The following ADAMTSL3 variants were observed in gnomAD, a reference collection of about 807,000 sequenced individuals.
The protein encoded by ADAMTSL3 is ADAMTS-like protein 3.
Under a neutral mutation model 201.7 loss-of-function variants are expected in ADAMTSL3, and 128 were observed. That is an observed-to-expected ratio of 0.63 (90% confidence interval 0.55 to 0.73). The LOEUF (loss-of-function observed/expected upper bound fraction) is 0.73, where lower values mean the gene tolerates loss of function less well. Among genes scored for constraint, ADAMTSL3 ranks in the 30% least tolerant of loss-of-function variants. ADAMTSL3 has a pLI of 0.00. For missense variants in ADAMTSL3, 1,990 were observed against 2,119.6 expected, an observed-to-expected ratio of 0.94 and a Z score of 1.20; for synonymous variants, 738 against 748.4, an observed-to-expected ratio of 0.99 and a Z score of 0.23.
At chr15:83,755,149 A>G (rs1037814352) in intron 3 of ADAMTSL3, among the ~76,000 whole-genome samples, 1 of 152,194 alleles carries the variant, frequency 6.6e-6, no homozygotes, top group African/African-American at 2.4e-5. Flanking sequence ...GGATTTCATC[A>G]TCAACTTTTG....
intron 2 of ADAMTSL3, among the ~76,000 whole-genome samples, chr15:83,662,015 C>A (rs1189631924): frequency 6.9e-6 from 1 of 144,570 alleles, no homozygotes; most frequent in Non-Finnish European, 1.5e-5. Context: ...GTCAGTGTGG[C>A]GATTCCTCAG....
chr15:83,836,047 A>G (rs904127257), intron 6 of ADAMTSL3, among the ~76,000 whole-genome samples: 4 of 152,252 alleles, frequency 2.6e-5, no homozygotes, highest in Non-Finnish European at 5.9e-5. Flanking sequence ...TAATGTGTAC[A>G]ATATTCATGG....
chr15:83,715,033 T>C (rs1193240919), intron 3 of ADAMTSL3, among the ~76,000 whole-genome samples: 4 of 149,710 alleles, frequency 2.7e-5, no homozygotes, highest in Non-Finnish European at 5.9e-5. Context: ...TGGGAGGGAG[T>C]GAGGAGGGAA....
chr15:83,840,783 C>T (rs2064357242), intron 7 of ADAMTSL3, among the ~76,000 whole-genome samples: 2 of 152,192 alleles, frequency 1.3e-5, no homozygotes, highest in Non-Finnish European at 1.5e-5. Context: ...ATGTATCCTA[C>T]TGGAAATCAC....
At chr15:83,977,487 T>C (rs2067307456) in intron 20 of ADAMTSL3, among the ~76,000 whole-genome samples, 1 of 151,844 alleles carries the variant, frequency 6.6e-6, no homozygotes, top group South Asian at 2.1e-4. Context: ...TACAAAATCA[T>C]CCAAGGAAAA....
At chr15:83,973,054 C>A (rs1007462558) in intron 20 of ADAMTSL3, among the ~76,000 whole-genome samples, 1 of 152,156 alleles carries the variant, frequency 6.6e-6, no homozygotes, top group Non-Finnish European at 1.5e-5. Flanking sequence ...ACACCACCAC[C>A]AGGACCATGA....
chr15:83,827,818 A>G (rs992720588), intron 6 of ADAMTSL3, among the ~76,000 whole-genome samples: 1 of 152,178 alleles, frequency 6.6e-6, no homozygotes, highest in Non-Finnish European at 1.5e-5. Context: ...GTCAAAGATC[A>G]GATGGTTGTA....
intron 5 of ADAMTSL3, among the ~76,000 whole-genome samples, chr15:83,806,157 C>T (rs2063600145): frequency 1.9e-4 from 3 of 15,448 alleles, no homozygotes; most frequent in African/African-American, 6.7e-4. Flanking sequence ...GACTGCAGCA[C>T]CACAACCCTA....
intron 17 of ADAMTSL3, among the ~76,000 whole-genome samples, chr15:83,928,347 A>G (rs775791615): frequency 1.3e-5 from 2 of 152,116 alleles, no homozygotes; most frequent in Non-Finnish European, 2.9e-5. Flanking sequence ...TTAACAAAGA[A>G]GAGTAAAAAG....
chr15:83,693,274 T>C (rs11637709), intron 2 of ADAMTSL3, among the ~76,000 whole-genome samples: 30,931 of 152,200 alleles, frequency 0.2, 4,124 homozygotes, highest in Admixed American at 0.34. Flanking sequence ...ATTGTTGGGC[T>C]ATGTCTCACT....
At chr15:84,030,987 T>C (rs1489349915) in intron 27 of ADAMTSL3, among the ~76,000 whole-genome samples, 2 of 152,222 alleles carry the variant, frequency 1.3e-5, no homozygotes, top group South Asian at 2.1e-4. Context: ...CCCTTCACCT[T>C]CTGACATGAT....
At chr15:83,686,273 GTC>G (rs2061535000) in intron 2 of ADAMTSL3, among the ~76,000 whole-genome samples, 1 of 152,166 alleles carries the variant, frequency 6.6e-6, no homozygotes, top group Non-Finnish European at 1.5e-5. Flanking sequence ...AATCATATCG[GTC>G]AGTGTTTTAC....
chr15:83,671,933 G>GTTGC (rs2061334529), intron 2 of ADAMTSL3, among the ~76,000 whole-genome samples: 1 of 152,142 alleles, frequency 6.6e-6, no homozygotes, highest in African/African-American at 2.4e-5. Context: ...TTGCCTCTGG[G>GTTGC]TTGCTTTTTA....
Position 83,943,088 on chromosome 15 carries a change from G to A in ADAMTSL3, c.2490+6G>A. On this transcript the variant is annotated splice_donor_region_variant and intron_variant, in intron 19 of 29. Transcript: ENST00000286744. Reference sequence around the variant, plus strand: ...CTGTGGGAGACTGGTCGAAGGTAAGGGCCAGGCTCAACTTTATAGTCCCTT... The same window carrying A: ...CTGTGGGAGACTGGTCGAAGGTAAGAGCCAGGCTCAACTTTATAGTCCCTT... The A allele has an allele frequency of 3.1e-6, 5 of 1,599,526 alleles. No homozygotes were observed. Among genetic ancestry groups the A allele is most frequent in the Non-Finnish European group, 4.3e-6 (5 of 1,174,760 alleles).
At chr15:83,938,723 A>G (rs1042466434) in intron 17 of ADAMTSL3, among the ~76,000 whole-genome samples, 1 of 152,060 alleles carries the variant, frequency 6.6e-6, no homozygotes, top group Non-Finnish European at 1.5e-5. Flanking sequence ...ATTCAAATAT[A>G]TATTTTGTTT....
chr15:83,812,609 G>A (rs2063715592), intron 5 of ADAMTSL3, among the ~76,000 whole-genome samples: 1 of 151,872 alleles, frequency 6.6e-6, no homozygotes, highest in Non-Finnish European at 1.5e-5. Flanking sequence ...AGAAGGAGGT[G>A]TTTCTGTTAG....
chr15:83,994,775 T>G (rs1301062788), intron 23 of ADAMTSL3, among the ~76,000 whole-genome samples: 7 of 81,754 alleles, frequency 8.6e-5, no homozygotes, highest in Admixed American at 1.4e-4. Flanking sequence ...TTTTTTTTTT[T>G]TTTTTGCATT....
At chr15:83,711,929 A>G (rs1220922241) in intron 3 of ADAMTSL3, among the ~76,000 whole-genome samples, 1 of 151,458 alleles carries the variant, frequency 6.6e-6, no homozygotes, top group African/African-American at 2.4e-5. Context: ...AGGGGTGGGT[A>G]TAGGGTGGGG....
At chr15:83,902,277 T>C (rs2065740846) in intron 15 of ADAMTSL3, among the ~76,000 whole-genome samples, 1 of 152,034 alleles carries the variant, frequency 6.6e-6, no homozygotes, top group East Asian at 1.9e-4. Flanking sequence ...GTCTAATTCT[T>C]TTTGTTTTGT....
Sources: gnomAD v4.1 joint callset for allele counts (sites outside exome capture counted in the v4.1 genomes callset) on GRCh38, gnomAD v4.1.1 for gene constraint, MANE v1.5 for transcripts, NCBI Gene and HGNC (gene_info 2026-07-23, HGNC 2026-07-21) for gene names.